Variants in ORMDL1 observed in about 807,000 individuals in gnomAD.
ORMDL1 encodes ORMDL sphingolipid biosynthesis regulator 1.
A neutral mutation model predicts 13.0 loss-of-function variants in ORMDL1; 10 were observed. The observed-to-expected ratio is 0.77, with a 90% confidence interval of 0.47 to 1.30. The LOEUF is 1.30. Among genes scored for constraint, ORMDL1 ranks in the 50% most tolerant of loss-of-function variants. The pLI, the probability that ORMDL1 is intolerant of heterozygous loss-of-function variation, is 0.00. For missense variants in ORMDL1, 171 were observed against 186.7 expected (o/e 0.92, Z 0.49); for synonymous variants, 61 against 63.9 (o/e 0.95, Z 0.22).
downstream of ORMDL1, among the ~76,000 whole-genome samples, chr2:189,766,436 A>C (rs2047483932): frequency 6.6e-6 from 1 of 152,192 alleles, no homozygotes; most frequent in South Asian, 2.1e-4. Flanking sequence ...CCATTAAACA[A>C]TAAGCTCCCA....
intron 4 of ORMDL1, among the ~76,000 whole-genome samples, chr2:189,772,985 ATTCT>A (rs2047612250): frequency 1.3e-5 from 2 of 152,192 alleles, no homozygotes; most frequent in Non-Finnish European, 2.9e-5. Flanking sequence ...CAATTCTGAA[ATTCT>A]TTCTTCCTGT....
At chr2:189,775,446 G>T in intron 4 of ORMDL1, 119 bp downstream of exon 4, 1 of 1,078,948 alleles carries the variant, frequency 9.3e-7, no homozygotes, top group Non-Finnish European at 1.3e-6. Flanking sequence ...TTCTATCCGA[G>T]GTGCTACTTA....
chr2:189,783,437 T>G (rs1393229235), intron 1 of ORMDL1: 1 of 152,132 alleles, frequency 6.6e-6, no homozygotes, highest in Non-Finnish European at 1.5e-5. Flanking sequence ...CGAGGCTAGA[T>G]TATATTTGGA....
intron 4 of ORMDL1, chr2:189,774,839 C>T (rs2047658500): frequency 6.6e-6 from 1 of 152,096 alleles, no homozygotes; most frequent in African/African-American, 2.4e-5. Flanking sequence ...TCAAGAAATG[C>T]TGCTTAGAAG....
chr2:189,775,603 T>C lies in ORMDL1; in HGVS notation c.288A>G (p.Thr96=), dbSNP rs2047676303. Residue 96 remains threonine, a synonymous_variant, in exon 4 of 5, where the codon ACA becomes ACG. Coordinates refer to ENST00000392349, the MANE Select transcript of ORMDL1 (RefSeq NM_016467.5). ...AAATTGTGAAAAACTTCCGTGAAGA[T>C]GTAAACTGTACTCCATAGTCCAGTT... ...WEQLDYGVQF[T]SSRKFFTISP... 6.2e-7 allele frequency: 1 copy of C among 1,610,352 alleles called. No individual in the cohort carries two copies. The highest frequency in any genetic ancestry group is 1.3e-5 in the African/African-American group (1 of 74,870).
chr2:189,781,582 GAA>G (rs1187762101), intron 3 of ORMDL1, among the ~76,000 whole-genome samples: 1 of 151,544 alleles, frequency 6.6e-6, no homozygotes, highest in African/African-American at 2.4e-5. Flanking sequence ...CTTAAATACT[GAA>G]ACAGTGAAGT....
At position 189,770,536 on chromosome 2, in the gene ORMDL1, G is replaced by A. The variant is rs2047556147; in HGVS notation, c.*1231C>T. ...TCTGTAACTCTTTTCATTCAATTCTGTTTATAAATGTTACTGAATTTTTAA... is the reference window on the plus strand; with the variant it reads ...TCTGTAACTCTTTTCATTCAATTCTATTTATAAATGTTACTGAATTTTTAA... On this transcript the variant is annotated 3_prime_UTR_variant, in exon 5 of 5. Coordinates refer to ENST00000392349, the MANE Select transcript of ORMDL1 (RefSeq NM_016467.5). 6.6e-6 allele frequency: 1 copy of A among 152,052 alleles called. No individual in the cohort carries two copies. The highest frequency in any genetic ancestry group is 6.5e-5 in the Admixed American group (1 of 15,274). The allele number at this position is 152,052 out of a possible 1,614,324, so 9.4% of individuals were successfully genotyped here.
chr2:189,775,724 A>G lies in ORMDL1; in HGVS notation c.175-8T>C. 1 of 1,611,428 alleles carries G rather than the reference A, an allele frequency of 6.2e-7. No homozygotes were observed. The highest frequency in any genetic ancestry group is 1.1e-5 in the South Asian group (1 of 90,552). ...CAAAAATACGTACATCCCCTGGAAAACAAGCAAGGGGTTATAAATGATCAA... is the reference window on the plus strand; with the variant it reads ...CAAAAATACGTACATCCCCTGGAAAGCAAGCAAGGGGTTATAAATGATCAA... On this transcript the variant is annotated splice_polypyrimidine_tract_variant and splice_region_variant and intron_variant, in intron 3 of 4. Transcript: ENST00000392349.
chr2:189,780,919 T>C (rs1392931552), intron 3 of ORMDL1, among the ~76,000 whole-genome samples: 2 of 152,132 alleles, frequency 1.3e-5, no homozygotes, highest in Non-Finnish European at 2.9e-5. Context: ...AAAATAAATA[T>C]TATTGTTATT....
intron 4 of ORMDL1, among the ~76,000 whole-genome samples, chr2:189,773,333 C>T (rs938294194): frequency 1.3e-5 from 2 of 152,132 alleles, no homozygotes; most frequent in African/African-American, 4.8e-5. Flanking sequence ...TGGAAAGAGA[C>T]CTGTATTACA....
the ORMDL1 span, chr2:189,764,477 G>C: frequency 2.6e-5 from 4 of 152,170 alleles, no homozygotes; most frequent in African/African-American, 7.2e-5. Flanking sequence ...GGGCACATTA[G>C]TATGGAATTT....
In ORMDL1 at chr2:189,770,492, G is replaced by A. The variant is rs1248242242; in HGVS notation, c.*1275C>T. The A allele has an allele frequency of 6.6e-6, 1 of 152,184 alleles. No homozygotes were observed. Among genetic ancestry groups the A allele is most frequent in the Non-Finnish European group, 1.5e-5 (1 of 68,022 alleles). 9.4% of individuals were successfully genotyped at this position (152,184 alleles called of 1,614,324 possible). A position where few individuals can be genotyped will look rare whatever the true frequency, so the allele number is the denominator to read the frequency against. ...CCCCCAAAAGTCAGTTTACTGACAC[G>A]AATTGATGTTTAAGTTGGTCTGTAA... is the stretch of plus-strand genomic sequence containing the variant. On this transcript the variant is annotated 3_prime_UTR_variant, in exon 5 of 5. Coordinates refer to ENST00000392349, the MANE Select transcript of ORMDL1 (RefSeq NM_016467.5).
chr2:189,780,528 T>A (rs1402706539), intron 3 of ORMDL1, among the ~76,000 whole-genome samples: 5 of 152,164 alleles, frequency 3.3e-5, no homozygotes, highest in Non-Finnish European at 7.3e-5. Context: ...AGGAGCATCC[T>A]TATTCTACAG....
At position 189,771,851 on chromosome 2, in the gene ORMDL1, T is replaced by C. The variant is rs760031544; in HGVS notation, c.378A>G (p.Leu126=). Reference sequence around the variant, plus strand: ...GTACACTCAGGAGAGAAGCTGTGTTTAGGATGAAGTGAGTTGGATCATACT... The same window carrying C: ...GTACACTCAGGAGAGAAGCTGTGTTCAGGATGAAGTGAGTTGGATCATACT... ...YTKYDPTHFI[L]NTASLLSVLI... is the part of the protein sequence containing the mutation. The change falls in exon 5 of 5, where the codon CTA becomes CTG. Residue 126 remains leucine, a synonymous_variant. Coordinates refer to ENST00000392349, the MANE Select transcript of ORMDL1 (RefSeq NM_016467.5). 4.3e-6 allele frequency: 7 copies of C among 1,609,848 alleles called. No homozygotes were observed. The highest frequency in any genetic ancestry group is 1.6e-4 in the Middle Eastern group (1 of 6,080).
intron 4 of ORMDL1, among the ~76,000 whole-genome samples, chr2:189,773,359 G>A (rs144682701): frequency 9.2e-5 from 14 of 152,304 alleles, no homozygotes; most frequent in African/African-American, 3.4e-4. Context: ...GTAGTTTAGG[G>A]TTTAACCTGA....
At chr2:189,778,272 G>A in intron 3 of ORMDL1, 1 of 414,426 alleles carries the variant, frequency 2.4e-6, no homozygotes, top group South Asian at 1.8e-5. Flanking sequence ...GTGCACACCT[G>A]TAATCCCAGC....
chr2:189,767,073 C>G (rs1395120339), downstream of ORMDL1, among the ~76,000 whole-genome samples: 1 of 152,194 alleles, frequency 6.6e-6, no homozygotes, highest in African/African-American at 2.4e-5. Flanking sequence ...CATAGATGTA[C>G]AAATTATCTG....
At position 189,780,923 on chromosome 2, in the gene ORMDL1, T is replaced by C. The variant is rs2047811098; in HGVS notation, c.174+1499A>G. Among the ~76,000 whole-genome samples the C allele has an allele frequency of 3.3e-5, 5 of 152,274 alleles. No individual in the cohort carries two copies. In the South Asian group the frequency reaches 1.0e-3, roughly 32 times the overall value. ...CCAGAAGATAGAAAATAAATATTAT[T>C]GTTATTATTTGAGGCAGGGTCTCAC... On this transcript the variant is annotated intron_variant, in intron 3 of 4. Transcript: ENST00000392349.
intron 3 of ORMDL1, among the ~76,000 whole-genome samples, chr2:189,779,554 G>A (rs2047776889): frequency 6.6e-6 from 1 of 152,202 alleles, no homozygotes; most frequent in Non-Finnish European, 1.5e-5. Flanking sequence ...ACAAGGTGAA[G>A]TCTCCTTGTT....
Sources: gnomAD v4.1 joint callset for allele counts (sites outside exome capture counted in the v4.1 genomes callset) on GRCh38, gnomAD v4.1.1 for gene constraint, MANE v1.5 for transcripts, NCBI Gene and HGNC (gene_info 2026-07-23, HGNC 2026-07-21) for gene names.